AK8: variants seen among roughly 807,000 people sequenced by gnomAD.
AK8 encodes ATP-AMP transphosphorylase 8.
AK8 carries 44 observed loss-of-function variants against 54.6 expected under a neutral mutation model. That is an observed-to-expected ratio of 0.81 (90% CI 0.63 to 1.04). AK8 has a LOEUF of 1.04. AK8 is among the 50% of genes least tolerant of loss of function. The pLI is 0.00. For synonymous variants in AK8, 239 were observed against 245.6 expected (o/e 0.97, Z 0.25); for missense variants, 555 against 613.6 (o/e 0.90, Z 1.01).
chr9:132,871,105 G>A (rs899065510), intron 2 of AK8, among the ~76,000 whole-genome samples: 3 of 152,156 alleles, frequency 2.0e-5, no homozygotes, highest in Admixed American at 6.5e-5. Flanking sequence ...AGTTAGCTGG[G>A]CATGGTGGCG....
rs537561292 is a variant in AK8, at chr9:132,770,823, A to C, written c.1121+21811T>G. Among the ~76,000 whole-genome samples, 10 of 152,222 alleles carry C rather than the reference A, an allele frequency of 6.6e-5. No homozygotes were observed. Among genetic ancestry groups the C allele is most frequent in the Admixed American group, 5.2e-4 (8 of 15,302 alleles). ...GGCTCTGGAAGCAGCTGCTGAGTGC[A>C]CGGCAGACCCCCTGGCATGGGGTTA... is the stretch of plus-strand genomic sequence containing the variant. On this transcript the variant is annotated intron_variant, in intron 11 of 12. Coordinates refer to ENST00000298545, the MANE Select transcript of AK8 (RefSeq NM_152572.3). The surrounding 1 kb of genome is among the most constrained non-coding windows in gnomAD (Gnocchi z 4.3).
intron 11 of AK8, among the ~76,000 whole-genome samples, chr9:132,767,665 C>T (rs752213973): frequency 3.3e-5 from 5 of 152,214 alleles, no homozygotes; most frequent in African/African-American, 4.8e-5. Flanking sequence ...CCCATGTTTA[C>T]TGCAGCACTA....
rs5900993 is a variant in AK8 at position 132,806,101 on chromosome 9, C to CGTGTGTGTGT, written c.979+8527_979+8536dup. On this transcript the variant is annotated intron_variant, in intron 10 of 12. Transcript: ENST00000298545. ...AATGTGTTTATTACTTACTGCTTGG[C>CGTGTGTGTGT]GTGTGTGTGTGTGTGTGTGTGTGTG... Among the ~76,000 whole-genome samples the CGTGTGTGTGT allele has an allele frequency of 4.0e-5, 6 of 148,678 alleles. 1 individual carries two copies. Among genetic ancestry groups the CGTGTGTGTGT allele is most frequent in the African/African-American group, 5.0e-5 (2 of 40,348 alleles).
rs575397707 is a variant in AK8, at chr9:132,837,993, C to T, written c.403-9267G>A. ...GCAGAGCTGTGGATCAATAAAACCG[C>T]ACTCCTTGGAGGAGGCAAGTGACAT... On this transcript the variant is annotated intron_variant, in intron 5 of 12. Transcript: ENST00000298545. The surrounding 1 kb of genome is among the most constrained non-coding windows in gnomAD (Gnocchi z 4.3). 6.6e-6 allele frequency among the ~76,000 whole-genome samples: 1 copy of T among 152,316 alleles called. No homozygotes were observed. Among genetic ancestry groups the T allele is most frequent in the African/African-American group, 2.4e-5 (1 of 41,574 alleles).
rs541436853 is a variant in AK8, at chr9:132,780,955, AG to A, written c.1121+11678del. Among the ~76,000 whole-genome samples, 1,174 of 152,182 alleles carry A rather than the reference AG, an allele frequency of 7.7e-3. 7 individuals carry two copies. The highest frequency in any genetic ancestry group is 0.012 in the Non-Finnish European group (849 of 67,992). ...TGCCCCCTCCCTCCTTGCAGCACGG[AG>A]GGAAAGGAGGATGCAAAAAAACAGT... On this transcript the variant is annotated intron_variant, in intron 11 of 12. Transcript: ENST00000298545.
At position 132,786,581 on chromosome 9, in the gene AK8, T is replaced by C. The variant is rs758077679; in HGVS notation, c.1121+6053A>G. On this transcript the variant is annotated intron_variant, in intron 11 of 12. Transcript: ENST00000298545. Reference sequence around the variant, plus strand: ...GCCCAGAGGAAAAGATCTAAAGATGTTGACACTTGGTGGGAGGGTTCTGCA... The same window carrying C: ...GCCCAGAGGAAAAGATCTAAAGATGCTGACACTTGGTGGGAGGGTTCTGCA... Among the ~76,000 whole-genome samples the C allele has an allele frequency of 5.9e-5, 9 of 152,116 alleles. 1 individual carries two copies. Among genetic ancestry groups the C allele is most frequent in the African/African-American group, 2.2e-4 (9 of 41,404 alleles).
chr9:132,740,282 A>G (rs1837311248), intron 11 of AK8, among the ~76,000 whole-genome samples: 1 of 152,168 alleles, frequency 6.6e-6, no homozygotes, highest in African/African-American at 2.4e-5. Flanking sequence ...ACAACACCCA[A>G]ATGAGGTCTG....
At chr9:132,801,137 A>T (rs986506610) in intron 10 of AK8, among the ~76,000 whole-genome samples, 3 of 152,112 alleles carry the variant, frequency 2.0e-5, no homozygotes, top group African/African-American at 7.2e-5. Context: ...CATGTTGGCT[A>T]CGCTGGTCTT....
chr9:132,771,537 G>A (rs917573544), intron 11 of AK8, among the ~76,000 whole-genome samples: 5 of 152,118 alleles, frequency 3.3e-5, no homozygotes, highest in South Asian at 2.1e-4. Flanking sequence ...CTGAAAGGGC[G>A]CCTCTTGTAA....
chr9:132,841,866 G>T (rs1465666512), intron 5 of AK8, among the ~76,000 whole-genome samples: 1 of 152,096 alleles, frequency 6.6e-6, no homozygotes, highest in Non-Finnish European at 1.5e-5. Context: ...AGGAATAGAG[G>T]AGGAGGAGAC....
At chr9:132,727,337 T>G in intron 12 of AK8, 117 bp downstream of exon 12, 1 of 918,352 alleles carries the variant, frequency 1.1e-6, no homozygotes, top group Non-Finnish European at 1.8e-6. Flanking sequence ...TTGATAATCG[T>G]CCTTCAGTGG....
intron 11 of AK8, among the ~76,000 whole-genome samples, chr9:132,738,214 C>T (rs887622294): frequency 6.6e-6 from 1 of 151,970 alleles, no homozygotes; most frequent in Non-Finnish European, 1.5e-5. Flanking sequence ...CCACCACGCC[C>T]GGCTAATTTT....
chr9:132,797,162 T>C (rs1443225444), intron 10 of AK8, among the ~76,000 whole-genome samples: 1 of 152,118 alleles, frequency 6.6e-6, no homozygotes, highest in Non-Finnish European at 1.5e-5. Context: ...ACTGATGTAG[T>C]ATCCACTTAA....
intron 3 of AK8, 33 bp from the exon 4 acceptor site, chr9:132,863,811 A>G: frequency 6.8e-7 from 1 of 1,471,638 alleles, no homozygotes; most frequent in Non-Finnish European, 9.5e-7. Context: ...GGGCATTTTC[A>G]TAAAAACAAT....
chr9:132,877,960 C>T, intron 1 of AK8: 1 of 1,288,116 alleles, frequency 7.8e-7, no homozygotes, highest in Non-Finnish European at 1.1e-6. Flanking sequence ...CCCCCTGGGT[C>T]CGCCTGAGGC....
intron 11 of AK8, among the ~76,000 whole-genome samples, chr9:132,753,257 C>T (rs1838034050): frequency 6.6e-6 from 1 of 152,218 alleles, no homozygotes; most frequent in African/African-American, 2.4e-5. Flanking sequence ...GTTCTGGGCT[C>T]TCTCATCTTG....
intron 6 of AK8, 88 bp from the exon 7 acceptor site, chr9:132,828,172 G>A (rs111883267): frequency 3.8e-5 from 47 of 1,238,878 alleles, no homozygotes; most frequent in Admixed American, 1.9e-4. Flanking sequence ...CTTGCTTTAC[G>A]TTTTTTGCTT....
intron 11 of AK8, among the ~76,000 whole-genome samples, chr9:132,789,589 T>C (rs1432957621): frequency 2.7e-4 from 23 of 84,022 alleles, no homozygotes; most frequent in African/African-American, 1.0e-3. Context: ...AGAGTGATAC[T>C]CATCTCACAA....
chr9:132,862,057 C>T (rs1490732167), intron 4 of AK8, among the ~76,000 whole-genome samples: 1 of 152,200 alleles, frequency 6.6e-6, no homozygotes, highest in Non-Finnish European at 1.5e-5. Flanking sequence ...ACATTTTTAT[C>T]CTACAAAAAA....
Sources: allele counts gnomAD v4.1 joint callset (sites outside exome capture counted in the v4.1 genomes callset), GRCh38; gene constraint gnomAD v4.1.1; non-coding constraint Gnocchi (gnomAD v3.1); transcripts MANE v1.5; gene names NCBI Gene and HGNC (gene_info 2026-07-23, HGNC 2026-07-21).